The following C1orf21 variants were observed in gnomAD, a reference collection of about 807,000 sequenced individuals.
The protein encoded by C1orf21 is uncharacterized protein C1orf21.
Under a neutral mutation model 18.7 loss-of-function variants are expected in C1orf21, and 3 were observed. The ratio of observed to expected loss-of-function variants is 0.16; its 90% CI spans 0.07 to 0.42. The LOEUF (loss-of-function observed/expected upper bound fraction) is 0.42, where lower values mean the gene tolerates loss of function less well. Ranked by LOEUF, C1orf21 falls within the 10% of genes least tolerant of loss-of-function variation. The pLI is 0.99. For synonymous variants in C1orf21, 41 were observed against 46.4 expected (o/e 0.88, Z 0.47); for missense variants, 104 against 143.6 (o/e 0.72, Z 1.41).
chr1:184,548,249 A>T (rs77785217), intron 3 of C1orf21, among the ~76,000 whole-genome samples: 1 of 133,920 alleles, frequency 7.5e-6, no homozygotes, highest in Non-Finnish European at 1.7e-5. Context: ...ACACACACAC[A>T]CACACACTCA....
chr1:184,457,327 A>G (rs1657236213), intron 1 of C1orf21, among the ~76,000 whole-genome samples: 2 of 152,192 alleles, frequency 1.3e-5, no homozygotes, highest in South Asian at 4.1e-4. Flanking sequence ...TGTTCTCCTG[A>G]TGCGTAGACT....
chr1:184,531,962 T>A (rs530838500), intron 3 of C1orf21, among the ~76,000 whole-genome samples: 1 of 152,300 alleles, frequency 6.6e-6, no homozygotes, highest in African/African-American at 2.4e-5. Context: ...AGCTTAAAAA[T>A]AAAAATTTTT....
chr1:184,532,043 T>A (rs976457647), intron 3 of C1orf21, among the ~76,000 whole-genome samples: 1 of 146,266 alleles, frequency 6.8e-6, no homozygotes, highest in African/African-American at 2.5e-5. Context: ...TTCATGTAGG[T>A]TTTTTTTTTT....
At chr1:184,458,061 C>T (rs1325350533) in intron 1 of C1orf21, among the ~76,000 whole-genome samples, 1 of 152,098 alleles carries the variant, frequency 6.6e-6, no homozygotes, top group Admixed American at 6.5e-5. Flanking sequence ...CTCTGGGTCT[C>T]ATAGTTGGTA....
At chr1:184,454,446 A>G (rs1371452808) in intron 1 of C1orf21, among the ~76,000 whole-genome samples, 1 of 152,080 alleles carries the variant, frequency 6.6e-6, no homozygotes, top group Non-Finnish European at 1.5e-5. Context: ...ACTTTTTCCA[A>G]AGAGGATTTT....
Position 184,559,279 on chromosome 1 carries a change from C to G in C1orf21, c.190-31460C>G, listed in dbSNP as rs138290426. Among the ~76,000 whole-genome samples, 1,147 of 152,086 alleles carry G rather than the reference C, an allele frequency of 7.5e-3. 6 individuals carry two copies. The highest frequency in any genetic ancestry group is 0.02 in the Middle Eastern group (6 of 294). On this transcript the variant is annotated intron_variant, in intron 3 of 5. Transcript: ENST00000235307. Reference sequence around the variant, plus strand: ...TGTGTGGCACCTCCTCCCACCCCCACTCTCTCTCCTGCTCCTGCTTTCACC... The same window carrying G: ...TGTGTGGCACCTCCTCCCACCCCCAGTCTCTCTCCTGCTCCTGCTTTCACC...
At chr1:184,535,258 A>G (rs1190845961) in intron 3 of C1orf21, among the ~76,000 whole-genome samples, 2 of 152,132 alleles carry the variant, frequency 1.3e-5, no homozygotes, top group Admixed American at 1.3e-4. Flanking sequence ...GGTGCGTAAA[A>G]TTGAACCAAA....
At position 184,620,241 on chromosome 1, in the gene C1orf21, CA is replaced by C. The variant is rs1659896326; in HGVS notation, c.*686del. On this transcript the variant is annotated 3_prime_UTR_variant, in exon 6 of 6. Coordinates refer to ENST00000235307, the MANE Select transcript of C1orf21 (RefSeq NM_030806.4). The stretch of plus-strand genomic sequence containing the variant: ...TTGCAACATTGGCTTTGCTCAGATG[CA>C]GATGGAAGTGTGATCACAATCATTT... 1 of 152,630 alleles carries C rather than the reference CA, an allele frequency of 6.6e-6. No homozygotes were observed. The highest frequency in any genetic ancestry group is 1.5e-5 in the Non-Finnish European group (1 of 68,038). The allele number at this position is 152,630 out of a possible 1,614,324, so 9.5% of individuals were successfully genotyped here.
intron 3 of C1orf21, chr1:184,567,416 T>A (rs1190396223): frequency 1.9e-6 from 1 of 531,592 alleles, no homozygotes; most frequent in Non-Finnish European, 3.8e-6. Context: ...TCTCCTGGGC[T>A]TGAAGGTCTG....
chr1:184,528,859 A>G (rs1416482828), intron 3 of C1orf21, among the ~76,000 whole-genome samples: 1 of 152,150 alleles, frequency 6.6e-6, no homozygotes, highest in African/African-American at 2.4e-5. Context: ...ATATTACATA[A>G]TACTTCTGTA....
intron 1 of C1orf21, among the ~76,000 whole-genome samples, chr1:184,439,469 A>G: frequency 6.6e-6 from 1 of 150,814 alleles, no homozygotes. Context: ...TCACTCCATC[A>G]AACTCACTCT....
intron 1 of C1orf21, among the ~76,000 whole-genome samples, chr1:184,418,568 T>C (rs1335881324): frequency 1.3e-5 from 2 of 152,220 alleles, no homozygotes; most frequent in East Asian, 1.9e-4. Flanking sequence ...CTGTCTGACT[T>C]GACTTAGGTT....
At chr1:184,529,693 AAG>A (rs1296385395) in intron 3 of C1orf21, among the ~76,000 whole-genome samples, 1 of 152,218 alleles carries the variant, frequency 6.6e-6, no homozygotes, top group East Asian at 1.9e-4. Context: ...AGGAGAATGA[AAG>A]AAAAAGGCAG....
intron 1 of C1orf21, among the ~76,000 whole-genome samples, chr1:184,455,591 A>G (rs993219219): frequency 2.0e-5 from 3 of 152,180 alleles, no homozygotes; most frequent in Non-Finnish European, 4.4e-5. Context: ...ACAGCGTGAA[A>G]ATACTGCCAT....
intron 1 of C1orf21, among the ~76,000 whole-genome samples, chr1:184,428,164 A>C (rs1034955724): frequency 3.9e-5 from 6 of 152,180 alleles, no homozygotes; most frequent in Admixed American, 2.0e-4. Flanking sequence ...ATAATCTTTG[A>C]AAGTTAGCCA....
chr1:184,627,483 G>C lies in C1orf21; in HGVS notation c.*7927G>C, dbSNP rs1298510238. ...CTGAAGGCAATTTTCCTAGCTAAGGGGCACTGGGCCTTGCTGCACCTTGGG... is the reference window on the plus strand; with the variant it reads ...CTGAAGGCAATTTTCCTAGCTAAGGCGCACTGGGCCTTGCTGCACCTTGGG... On this transcript the variant is annotated 3_prime_UTR_variant, in exon 6 of 6. Coordinates refer to ENST00000235307, the MANE Select transcript of C1orf21 (RefSeq NM_030806.4). The C allele has an allele frequency of 6.6e-6, 1 of 152,136 alleles. No homozygotes were observed. Among genetic ancestry groups the C allele is most frequent in the Non-Finnish European group, 1.5e-5 (1 of 68,070 alleles). The allele number at this position is 152,136 out of a possible 1,614,324, so 9.4% of individuals were successfully genotyped here. A position where few individuals can be genotyped will look rare whatever the true frequency, so the allele number is the denominator to read the frequency against.
intron 1 of C1orf21, among the ~76,000 whole-genome samples, chr1:184,424,334 C>G (rs548313799): frequency 3.3e-5 from 5 of 152,264 alleles, no homozygotes; most frequent in African/African-American, 1.2e-4. Context: ...CATCACTTTA[C>G]AGATAGGAGC....
Position 184,477,617 on chromosome 1 carries a change from A to G in C1orf21, c.94+14A>G, listed in dbSNP as rs752138247. ...ATGTGTTTGGCGGTGAGTCCTATCA[A>G]ACTTGACTCTTGACCCATTGATTCT... On this transcript the variant is annotated intron_variant, in intron 2 of 5. Coordinates refer to ENST00000235307, the MANE Select transcript of C1orf21 (RefSeq NM_030806.4). 9 of 1,608,994 alleles carry G rather than the reference A, an allele frequency of 5.6e-6. No homozygotes were observed. In the South Asian group the frequency reaches 6.6e-5, roughly 12 times the overall value.
At chr1:184,469,117 G>A (rs1238986848) in intron 1 of C1orf21, among the ~76,000 whole-genome samples, 2 of 151,966 alleles carry the variant, frequency 1.3e-5, no homozygotes, top group East Asian at 1.9e-4. Context: ...AGGCATGGTG[G>A]CACGTGCCTG....
Sources: gnomAD v4.1 joint callset for allele counts (sites outside exome capture counted in the v4.1 genomes callset) on GRCh38, gnomAD v4.1.1 for gene constraint, MANE v1.5 for transcripts, NCBI Gene and HGNC (gene_info 2026-07-23, HGNC 2026-07-21) for gene names.